AGPS: variants seen among roughly 807,000 people sequenced by gnomAD.
AGPS encodes alkyldihydroxyacetonephosphate synthase, peroxisomal.
A neutral mutation model predicts 90.7 loss-of-function variants in AGPS; 26 were observed. The observed-to-expected ratio is 0.29, with a 90% CI of 0.21 to 0.40. AGPS has a LOEUF of 0.40. Among genes scored for constraint, AGPS ranks in the 10% least tolerant of loss-of-function variants. The pLI, the probability that AGPS is intolerant of heterozygous loss-of-function variation, is 1.00. For missense variants in AGPS, 540 were observed against 816.1 expected, an observed-to-expected ratio of 0.66 and a Z score of 4.12; for synonymous variants, 294 against 285.3, an observed-to-expected ratio of 1.03 and a Z score of -0.31.
At chr2:177,480,372 AT>A (rs1157933173) in intron 10 of AGPS, among the ~76,000 whole-genome samples, 1 of 152,204 alleles carries the variant, frequency 6.6e-6, no homozygotes, top group African/African-American at 2.4e-5. Context: ...TGTGGCACAT[AT>A]ACACCATGGA....
At chr2:177,466,001 T>G (rs895017261) in intron 9 of AGPS, among the ~76,000 whole-genome samples, 1 of 151,832 alleles carries the variant, frequency 6.6e-6, no homozygotes, top group African/African-American at 2.4e-5. Context: ...GGTGAAGGAG[T>G]GCTTTATTGA....
rs1298899596 is a variant in AGPS, at chr2:177,489,973, A to AC, written c.1234-3175_1234-3174insC. Among the ~76,000 whole-genome samples, 7 of 152,184 alleles carry AC rather than the reference A, an allele frequency of 4.6e-5. 1 individual carries two copies. Among genetic ancestry groups the AC allele is most frequent in the Admixed American group, 4.6e-4 (7 of 15,280 alleles). On this transcript the variant is annotated intron_variant, in intron 11 of 19. Coordinates refer to ENST00000264167, the MANE Select transcript of AGPS (RefSeq NM_003659.4). ...GAATACTCTCAGCCCTGCATTAGTA[A>AC]ATAACATGGGAGTGAATTTAGAGCT...
At chr2:177,451,108 T>G (rs1428555739) in intron 8 of AGPS, among the ~76,000 whole-genome samples, 2 of 151,772 alleles carry the variant, frequency 1.3e-5, no homozygotes, top group African/African-American at 4.9e-5. Flanking sequence ...ACTACAGGCA[T>G]GTGCCACCAT....
intron 8 of AGPS, among the ~76,000 whole-genome samples, chr2:177,450,977 T>A (rs1346544951): frequency 5.9e-5 from 8 of 136,574 alleles, no homozygotes; most frequent in African/African-American, 1.8e-4. Flanking sequence ...TATATATATT[T>A]TAGAGACAAG....
intron 2 of AGPS, among the ~76,000 whole-genome samples, chr2:177,422,166 A>T (rs989200691): frequency 6.6e-6 from 1 of 152,280 alleles, no homozygotes; most frequent in Admixed American, 6.5e-5. Flanking sequence ...CACACATGCC[A>T]CACTTCTAAG....
At chr2:177,521,993 C>A (rs1689208620) in intron 18 of AGPS, among the ~76,000 whole-genome samples, 1 of 152,108 alleles carries the variant, frequency 6.6e-6, no homozygotes, top group African/African-American at 2.4e-5. Context: ...AACTGCATTG[C>A]ACACCTGCTA....
intron 2 of AGPS, among the ~76,000 whole-genome samples, chr2:177,433,435 C>G (rs1443693064): frequency 2.0e-5 from 3 of 152,000 alleles, no homozygotes; most frequent in Non-Finnish European, 4.4e-5. Context: ...TAATATTCAC[C>G]AGGAGTACAT....
chr2:177,441,256 G>A lies in AGPS; in HGVS notation c.709+220G>A, dbSNP rs148059596. ...TAGTTCATGGCTTTTTCCTCTATGG[G>A]CCCTAGTTGAAGCTGTAATTTAATG... On this transcript the variant is annotated intron_variant, in intron 6 of 19. Coordinates refer to ENST00000264167, the MANE Select transcript of AGPS (RefSeq NM_003659.4). 10 of 493,438 alleles carry A rather than the reference G, an allele frequency of 2.0e-5. No homozygotes were observed. The East Asian group carries it at 3.4e-4, about 17-fold the overall frequency. 30.6% of individuals were successfully genotyped at this position (493,438 alleles called of 1,614,324 possible).
Position 177,536,671 on chromosome 2 carries a change from C to G in AGPS, c.1856-1403C>G, listed in dbSNP as rs780345374. Among the ~76,000 whole-genome samples the G allele has an allele frequency of 2.6e-5, 4 of 152,058 alleles. No homozygotes were observed. In the East Asian group the frequency reaches 7.7e-4, roughly 29 times the overall value. On this transcript the variant is annotated intron_variant, in intron 19 of 19. Coordinates refer to ENST00000264167, the MANE Select transcript of AGPS (RefSeq NM_003659.4). The stretch of plus-strand genomic sequence containing the variant: ...TTAGCTTCTGGTTTTAGAGCTATCT[C>G]AAACAAAATTTTTCATTTTGAATTT...
At chr2:177,498,431 TGTAA>T (rs1363178451) in intron 13 of AGPS, among the ~76,000 whole-genome samples, 3 of 151,590 alleles carry the variant, frequency 2.0e-5, no homozygotes, top group Admixed American at 1.3e-4. Context: ...TCATAAATGT[TGTAA>T]GTAATTTTTT....
At chr2:177,420,428 C>A in intron 2 of AGPS, 70 bp downstream of exon 2, 1 of 1,135,900 alleles carries the variant, frequency 8.8e-7, no homozygotes, top group Non-Finnish European at 1.3e-6. Context: ...TTTAAACACA[C>A]ATGAAAATAT....
At position 177,493,089 on chromosome 2, in the gene AGPS, C is replaced by T. The variant is rs1688314097; in HGVS notation, c.1234-59C>T. 13 of 1,395,640 alleles carry T rather than the reference C, an allele frequency of 9.3e-6. No individual in the cohort carries two copies. In the South Asian group the frequency reaches 1.4e-4, roughly 15 times the overall value. 86.5% of individuals were successfully genotyped at this position (1,395,640 alleles called of 1,614,324 possible). On this transcript the variant is annotated intron_variant, in intron 11 of 19. Transcript: ENST00000264167. ...ATAGAAAGATAATATTCACATTCTA[C>T]CTGTCTAGCTTCTTACTGTATTAAA...
At chr2:177,461,748 C>CTTTT in intron 8 of AGPS, 145 bp from the exon 9 acceptor site, 4 of 467,002 alleles carry the variant, frequency 8.6e-6, no homozygotes, top group South Asian at 7.6e-5. Context: ...ATAAAAGTAT[C>CTTTT]TTTTTTTTTT....
At chr2:177,488,407 AG>A (rs1559068880) in intron 11 of AGPS, among the ~76,000 whole-genome samples, 1 of 151,924 alleles carries the variant, frequency 6.6e-6, no homozygotes. Flanking sequence ...TAGTAGAGAC[AG>A]GGTTTCACCG....
At chr2:177,402,300 A>T (rs952094205) in intron 1 of AGPS, among the ~76,000 whole-genome samples, 1 of 152,196 alleles carries the variant, frequency 6.6e-6, no homozygotes, top group African/African-American at 2.4e-5. Flanking sequence ...ATATCCTAAG[A>T]GGAAATGCAC....
At chr2:177,499,443 CCT>C (rs1472129256) in intron 13 of AGPS, among the ~76,000 whole-genome samples, 173 bp from the exon 14 acceptor site, 2 of 151,676 alleles carry the variant, frequency 1.3e-5, no homozygotes, top group Non-Finnish European at 3.0e-5. Flanking sequence ...GTTGTAATGA[CCT>C]AAATAGGTTT....
intron 11 of AGPS, among the ~76,000 whole-genome samples, chr2:177,491,542 G>T (rs1417660401): frequency 1.3e-5 from 2 of 150,856 alleles, no homozygotes; most frequent in South Asian, 2.1e-4. Flanking sequence ...TTCCCAAAGT[G>T]CTGGGATTAC....
At chr2:177,478,367 C>T (rs1334378137) in intron 10 of AGPS, among the ~76,000 whole-genome samples, 1 of 152,026 alleles carries the variant, frequency 6.6e-6, no homozygotes, top group African/African-American at 2.4e-5. Flanking sequence ...TTGTTGAGCT[C>T]CCTTGATGTA....
intron 15 of AGPS, among the ~76,000 whole-genome samples, chr2:177,507,702 G>A (rs1688754006): frequency 6.6e-6 from 1 of 152,192 alleles, no homozygotes; most frequent in South Asian, 2.1e-4. Context: ...ATTCACTAAA[G>A]AAATAAATTT....
Sources: gnomAD v4.1 joint callset for allele counts (sites outside exome capture counted in the v4.1 genomes callset) on GRCh38, gnomAD v4.1.1 for gene constraint, MANE v1.5 for transcripts, NCBI Gene and HGNC (gene_info 2026-07-23, HGNC 2026-07-21) for gene names.